Variants in GRB10 observed in about 807,000 individuals in gnomAD.
GRB10 encodes growth factor receptor bound protein 10.
In GRB10, 20 loss-of-function variants were observed where a neutral mutation model predicts 80.9. The ratio of observed to expected loss-of-function variants is 0.25; its 90% CI spans 0.17 to 0.36. GRB10 has a LOEUF of 0.36. Among genes scored for constraint, GRB10 ranks in the 10% least tolerant of loss-of-function variants. The pLI, the probability that GRB10 is intolerant of heterozygous loss-of-function variation, is 1.00. For synonymous variants in GRB10, 291 were observed against 291.5 expected, an observed-to-expected ratio of 1.00 and a Z score of 0.02; for missense variants, 548 against 747.7, an observed-to-expected ratio of 0.73 and a Z score of 3.12.
At chr7:50,684,777 A>T (rs377317219) in intron 5 of GRB10, among the ~76,000 whole-genome samples, 30 of 152,238 alleles carry the variant, frequency 2.0e-4, no homozygotes, top group African/African-American at 7.2e-4. Context: ...CAAAGGATTA[A>T]CTGTATCTTT....
chr7:50,708,960 C>T (rs2065452725), intron 4 of GRB10, among the ~76,000 whole-genome samples: 1 of 152,178 alleles, frequency 6.6e-6, no homozygotes, highest in South Asian at 2.1e-4. Flanking sequence ...AGGCGTGAGC[C>T]ACAGTACCCA....
intron 7 of GRB10, among the ~76,000 whole-genome samples, chr7:50,664,092 C>G (rs746884847): frequency 6.6e-6 from 1 of 152,210 alleles, no homozygotes; most frequent in Non-Finnish European, 1.5e-5. Context: ...CACAGGGCCC[C>G]TCTTCCCTAG....
At chr7:50,744,400 C>T (rs1009978565) in intron 3 of GRB10, among the ~76,000 whole-genome samples, 7 of 152,070 alleles carry the variant, frequency 4.6e-5, no homozygotes, top group East Asian at 1.9e-4. Context: ...CAGCTGAGCA[C>T]TGAACAAGGT....
chr7:50,624,658 C>T (rs1233578941), intron 8 of GRB10, among the ~76,000 whole-genome samples: 1 of 152,138 alleles, frequency 6.6e-6, no homozygotes, highest in Non-Finnish European at 1.5e-5. Flanking sequence ...TAAAAACTTG[C>T]AAAGTCCTCT....
chr7:50,766,595 G>T (rs530947716), intron 2 of GRB10, among the ~76,000 whole-genome samples: 1 of 64,322 alleles, frequency 1.6e-5, no homozygotes, highest in African/African-American at 6.7e-5. Flanking sequence ...AAAACTGTGC[G>T]AGGAGTAAAT....
intron 4 of GRB10, among the ~76,000 whole-genome samples, chr7:50,728,615 T>C (rs778537583): frequency 1.2e-4 from 18 of 152,188 alleles, no homozygotes; most frequent in Non-Finnish European, 2.2e-4. Flanking sequence ...ACTCTGCTGA[T>C]GGGGCTTGGA....
chr7:50,689,066 T>G (rs1245002884), intron 5 of GRB10, among the ~76,000 whole-genome samples: 2 of 152,150 alleles, frequency 1.3e-5, no homozygotes, highest in Non-Finnish European at 2.9e-5. Flanking sequence ...CACTCCCTGC[T>G]TCAAATACCC....
rs1170422820 is a variant in GRB10 at position 50,762,242 on chromosome 7, A to T, written c.-216-6186T>A. On this transcript the variant is annotated intron_variant, in intron 2 of 18. Transcript: ENST00000401949. ...CCCTTCTGCACAGCAGCTCCAAGAC[A>T]CCTAGGAAGTCTAATGGTGAAAATG... is the stretch of plus-strand genomic sequence containing the variant. 2.0e-5 allele frequency among the ~76,000 whole-genome samples: 3 copies of T among 151,522 alleles called. No homozygotes were observed. In the South Asian group the frequency reaches 6.3e-4, roughly 32 times the overall value.
At chr7:50,734,204 C>T (rs765971741) in intron 3 of GRB10, among the ~76,000 whole-genome samples, 3 of 152,112 alleles carry the variant, frequency 2.0e-5, no homozygotes, top group Admixed American at 1.3e-4. Context: ...ATGTCTCCTG[C>T]GGGCAGCCAG....
At chr7:50,611,398 C>T (rs953498934) in intron 13 of GRB10, among the ~76,000 whole-genome samples, 10 of 152,202 alleles carry the variant, frequency 6.6e-5, no homozygotes, top group Non-Finnish European at 1.3e-4. Context: ...CACTGAAAAC[C>T]GGCTTACACA....
At chr7:50,701,969 A>T (rs974501038) in intron 5 of GRB10, among the ~76,000 whole-genome samples, 5 of 152,146 alleles carry the variant, frequency 3.3e-5, no homozygotes, top group Admixed American at 1.3e-4. Flanking sequence ...TAGCTATACC[A>T]TATTTCTTAG....
chr7:50,728,222 G>C (rs1020723143), intron 4 of GRB10, among the ~76,000 whole-genome samples: 2 of 151,034 alleles, frequency 1.3e-5, no homozygotes, highest in South Asian at 2.1e-4. Flanking sequence ...TATGGGGGGG[G>C]GGTGTAGTAC....
At chr7:50,713,433 CCAT>C (rs1328677638) in intron 4 of GRB10, among the ~76,000 whole-genome samples, 3 of 151,928 alleles carry the variant, frequency 2.0e-5, no homozygotes, top group South Asian at 4.2e-4. Context: ...ACCACCCCCA[CCAT>C]CATTTCATTA....
At chr7:50,770,039 A>G (rs2076825634) in intron 2 of GRB10, among the ~76,000 whole-genome samples, 1 of 152,232 alleles carries the variant, frequency 6.6e-6, no homozygotes, top group Admixed American at 6.5e-5. Context: ...ACAGAGAGAC[A>G]GCTGCCTATG....
chr7:50,785,233 A>T (rs2078643987), upstream of GRB10, among the ~76,000 whole-genome samples: 1 of 152,230 alleles, frequency 6.6e-6, no homozygotes, highest in Non-Finnish European at 1.5e-5. Flanking sequence ...ATGCTCACTC[A>T]CACAGGGCTC....
At chr7:50,750,513 T>C (rs2073933518) in intron 3 of GRB10, among the ~76,000 whole-genome samples, 1 of 152,192 alleles carries the variant, frequency 6.6e-6, no homozygotes, top group Admixed American at 6.5e-5. Flanking sequence ...GAAGCTCCAA[T>C]GATCACAGCA....
chr7:50,779,875 G>A (rs2078099012), intron 2 of GRB10: 1 of 152,156 alleles, frequency 6.6e-6, no homozygotes, highest in Admixed American at 6.5e-5. Context: ...TGAGCCTGAG[G>A]CATCTAGAGT....
intron 18 of GRB10, among the ~76,000 whole-genome samples, chr7:50,593,408 G>A (rs2046067462): frequency 6.6e-6 from 1 of 152,080 alleles, no homozygotes; most frequent in Admixed American, 6.6e-5. Flanking sequence ...CCCAGCTCAT[G>A]AGAATTACAT....
At chr7:50,705,410 T>C (rs887385360) in intron 4 of GRB10, 1 of 459,508 alleles carries the variant, frequency 2.2e-6, no homozygotes, top group African/African-American at 2.1e-5. Flanking sequence ...TCAAAAGAAA[T>C]AGCTTTCTTT....
Sources: allele counts gnomAD v4.1 joint callset (sites outside exome capture counted in the v4.1 genomes callset), GRCh38; gene constraint gnomAD v4.1.1; transcripts MANE v1.5; gene names NCBI Gene and HGNC (gene_info 2026-07-23, HGNC 2026-07-21).